PCCA: variants seen among roughly 807,000 people sequenced by gnomAD.
PCCA encodes propionyl-CoA carboxylase subunit alpha.
Under a neutral mutation model 101.3 loss-of-function variants are expected in PCCA, and 74 were observed. The ratio of observed to expected loss-of-function variants is 0.73; its 90% CI spans 0.61 to 0.89. PCCA has a LOEUF of 0.89. Ranked by LOEUF, PCCA falls within the 40% of genes least tolerant of loss-of-function variation. The probability of loss-of-function intolerance (pLI) is 0.00; values close to 1 mark genes in which losing one functional copy is unlikely to be tolerated. For missense variants in PCCA, 891 were observed against 907.0 expected (o/e 0.98, Z 0.23); for synonymous variants, 294 against 313.6 (o/e 0.94, Z 0.66).
chr13:100,373,785 A>G (rs565022303), intron 19 of PCCA, among the ~76,000 whole-genome samples: 1 of 152,302 alleles, frequency 6.6e-6, no homozygotes, highest in Non-Finnish European at 1.5e-5. Flanking sequence ...AAACATACAC[A>G]AAACAAATCA....
chr13:100,262,890 T>C, intron 10 of PCCA, 59 bp downstream of exon 10: 2 of 767,184 alleles, frequency 2.6e-6, no homozygotes, highest in Non-Finnish European at 2.3e-6. Context: ...TTTAATCCTA[T>C]TGGAATTATC....
intron 2 of PCCA, among the ~76,000 whole-genome samples, chr13:100,109,213 C>G (rs1044911675): frequency 2.0e-5 from 3 of 152,192 alleles, no homozygotes; most frequent in African/African-American, 7.2e-5. Context: ...ATCATTCTCA[C>G]AACCTCTTGT....
chr13:100,526,492 G>T (rs1457008744), intron 22 of PCCA, among the ~76,000 whole-genome samples: 1 of 152,254 alleles, frequency 6.6e-6, no homozygotes, highest in Non-Finnish European at 1.5e-5. Flanking sequence ...GTGCCAGCAA[G>T]ACAGCTTGCG....
At chr13:100,112,918 G>GA (rs2048458511) in intron 4 of PCCA, among the ~76,000 whole-genome samples, 1 of 151,828 alleles carries the variant, frequency 6.6e-6, no homozygotes, top group Non-Finnish European at 1.5e-5. Context: ...TGAATGAGTA[G>GA]AAAAAAATCC....
At chr13:100,418,349 G>A (rs1199981074) in intron 19 of PCCA, among the ~76,000 whole-genome samples, 1 of 152,122 alleles carries the variant, frequency 6.6e-6, no homozygotes, top group African/African-American at 2.4e-5. Flanking sequence ...AAGGGTTGCT[G>A]TTTCTCTGAT....
chr13:100,403,858 TC>T (rs2077512993), intron 19 of PCCA, among the ~76,000 whole-genome samples: 1 of 152,058 alleles, frequency 6.6e-6, no homozygotes, highest in South Asian at 2.1e-4. Context: ...ACTGCGAACT[TC>T]CTGAGGCCCC....
At chr13:100,404,158 G>A (rs544237664) in intron 19 of PCCA, among the ~76,000 whole-genome samples, 21 of 152,236 alleles carry the variant, frequency 1.4e-4, no homozygotes, top group African/African-American at 4.8e-4. Flanking sequence ...CAGACAAACC[G>A]GGTTGTTAGA....
chr13:100,361,406 A>C (rs1396898892), intron 18 of PCCA, among the ~76,000 whole-genome samples: 1 of 151,690 alleles, frequency 6.6e-6, no homozygotes, highest in Non-Finnish European at 1.5e-5. Context: ...AATTCTGTTG[A>C]GTTTTTGTCA....
chr13:100,337,961 A>C (rs979431600), intron 17 of PCCA, among the ~76,000 whole-genome samples: 8 of 152,268 alleles, frequency 5.3e-5, no homozygotes, highest in African/African-American at 1.9e-4. Flanking sequence ...GTCTTCCTGC[A>C]CATGACACAT....
intron 18 of PCCA, among the ~76,000 whole-genome samples, chr13:100,350,635 A>G (rs1284187736): frequency 6.6e-6 from 1 of 152,350 alleles, no homozygotes; most frequent in East Asian, 1.9e-4. Context: ...TTACTATTAC[A>G]TTGTAAAATA....
chr13:100,358,140 G>T (rs1297907844), intron 18 of PCCA, among the ~76,000 whole-genome samples: 1 of 152,206 alleles, frequency 6.6e-6, no homozygotes, highest in African/African-American at 2.4e-5. Flanking sequence ...GGAATAAATG[G>T]TTTGGACTTT....
chr13:100,456,360 C>A (rs1045175944), intron 21 of PCCA, among the ~76,000 whole-genome samples: 2 of 152,272 alleles, frequency 1.3e-5, no homozygotes, highest in Admixed American at 6.5e-5. Flanking sequence ...ACTTTTATGA[C>A]TCATTCTTGT....
At chr13:100,496,029 T>C (rs1172812387) in intron 21 of PCCA, among the ~76,000 whole-genome samples, 1 of 152,198 alleles carries the variant, frequency 6.6e-6, no homozygotes, top group East Asian at 1.9e-4. Flanking sequence ...TGGTATCTTC[T>C]GAACCATTTC....
chr13:100,501,349 C>T (rs1270692120), intron 21 of PCCA, among the ~76,000 whole-genome samples: 1 of 152,172 alleles, frequency 6.6e-6, no homozygotes, highest in Non-Finnish European at 1.5e-5. Context: ...AGTAATTTCT[C>T]ATCATCCACC....
intron 19 of PCCA, among the ~76,000 whole-genome samples, chr13:100,417,210 T>G (rs1056335596): frequency 6.6e-6 from 1 of 152,302 alleles, no homozygotes; most frequent in African/African-American, 2.4e-5. Flanking sequence ...CTGGGGAAAG[T>G]TTTCAGAAAA....
chr13:100,470,894 A>G (rs560655354), intron 21 of PCCA, among the ~76,000 whole-genome samples: 1 of 152,180 alleles, frequency 6.6e-6, no homozygotes, highest in Admixed American at 6.5e-5. Context: ...CATATCAGCA[A>G]CAAGGCTATT....
intron 4 of PCCA, among the ~76,000 whole-genome samples, chr13:100,148,404 C>T (rs974567962): frequency 6.6e-6 from 1 of 150,860 alleles, no homozygotes; most frequent in African/African-American, 2.4e-5. Context: ...ATGTACAGTC[C>T]TCACCCCACC....
At chr13:100,264,055 ATATATACGGTATCTGTATATCG>A (rs2062744701) in intron 10 of PCCA, among the ~76,000 whole-genome samples, 1 of 145,236 alleles carries the variant, frequency 6.9e-6, no homozygotes, top group South Asian at 2.2e-4. Context: ...TGTATATCGT[ATATATACGGTATCTGTATATCG>A]TATATATACG....
chr13:100,501,557 C>A (rs1012592006), intron 21 of PCCA, among the ~76,000 whole-genome samples: 1 of 152,172 alleles, frequency 6.6e-6, no homozygotes, highest in Non-Finnish European at 1.5e-5. Context: ...GCAGCTTCAG[C>A]GTCTCCTGGG....
Sources: gnomAD v4.1 joint callset for allele counts (sites outside exome capture counted in the v4.1 genomes callset) on GRCh38, gnomAD v4.1.1 for gene constraint, MANE v1.5 for transcripts, NCBI Gene and HGNC (gene_info 2026-07-23, HGNC 2026-07-21) for gene names.